The following RIN2 variants were observed in gnomAD, a reference collection of about 807,000 sequenced individuals.
RIN2 encodes Ras and Rab interactor 2.
In RIN2, 36 loss-of-function variants were observed where a neutral mutation model predicts 78.0. The observed-to-expected ratio is 0.46, with a 90% CI of 0.35 to 0.61. The LOEUF is 0.61. Ranked by LOEUF, RIN2 falls within the 20% of genes least tolerant of loss-of-function variation. RIN2 has a pLI of 0.00. For missense variants in RIN2, 1,087 were observed against 1,159.7 expected (o/e 0.94, Z 0.91); for synonymous variants, 466 against 466.8 (o/e 1.00, Z 0.02).
chr20:19,889,787 G>A (rs1391123389), intron 3 of RIN2, 129 bp downstream of exon 3: 8 of 641,408 alleles, frequency 1.2e-5, no homozygotes, highest in East Asian at 6.2e-5. Context: ...GAGCTTGCCC[G>A]AGCCCAGCTG....
intron 2 of RIN2, among the ~76,000 whole-genome samples, chr20:19,864,024 A>C (rs1453870427): frequency 6.6e-6 from 1 of 151,812 alleles, no homozygotes; most frequent in East Asian, 1.9e-4. Context: ...GTGGTAAAAA[A>C]AAAACTTTTT....
intron 3 of RIN2, among the ~76,000 whole-genome samples, chr20:19,909,053 T>C (rs2039348008): frequency 1.3e-5 from 2 of 152,072 alleles, no homozygotes; most frequent in South Asian, 4.1e-4. Context: ...TAGTAGAGAC[T>C]GGGTTTTGCC....
At chr20:19,919,201 G>C (rs900970388) in intron 3 of RIN2, among the ~76,000 whole-genome samples, 15 of 152,318 alleles carry the variant, frequency 9.8e-5, no homozygotes, top group Non-Finnish European at 2.1e-4. Context: ...GTTTTAGGGA[G>C]AGCTCAGGAT....
Position 19,941,220 on chromosome 20 carries a change from G to A in RIN2, c.158+6021G>A, listed in dbSNP as rs546575605. Among the ~76,000 whole-genome samples, 14 of 152,294 alleles carry A rather than the reference G, an allele frequency of 9.2e-5. No individual in the cohort carries two copies. In the South Asian group the frequency reaches 1.2e-3, roughly 14 times the overall value. ...CTGGGAAGCTCTGAGCTTCCCAGTGGCTATGTGACAGCATTGACATTATAA... is the reference window on the plus strand; with the variant it reads ...CTGGGAAGCTCTGAGCTTCCCAGTGACTATGTGACAGCATTGACATTATAA... On this transcript the variant is annotated intron_variant, in intron 4 of 12. Transcript: ENST00000255006.
chr20:19,927,411 G>A (rs2040266983), intron 3 of RIN2, among the ~76,000 whole-genome samples: 1 of 151,172 alleles, frequency 6.6e-6, no homozygotes, highest in South Asian at 2.1e-4. Flanking sequence ...ACCATGCCTG[G>A]GTAATTTTTT....
chr20:19,786,638 G>A (rs941419959), intron 1 of RIN2, among the ~76,000 whole-genome samples: 1 of 152,198 alleles, frequency 6.6e-6, no homozygotes, highest in African/African-American at 2.4e-5. Context: ...AAGCCACTGA[G>A]TCTTGCGGTG....
Position 19,992,288 on chromosome 20 carries a change from T to C in RIN2, c.2189T>C (p.Leu730Ser), listed in dbSNP as rs779038086. The C allele has an allele frequency of 6.4e-7, 1 of 1,566,112 alleles. No homozygotes were observed. The highest frequency in any genetic ancestry group is 8.7e-7 in the Non-Finnish European group (1 of 1,154,392). Residue 730 changes from leucine (L) to serine (S), a missense_variant, in exon 11 of 13, where the codon TTA (leucine) becomes TCA (serine). Physicochemically the swap from Leu to Ser is moderately radical, Grantham distance 145. Around this residue, in one of 8 missense-constraint regions of RIN2, gnomAD observed 45 missense variants for 88.1 expected, o/e 0.51. Transcript: ENST00000255006. ...ATGGAGCTCCTAGACCCATCGCTGT[T>C]ACATGGAGAAGGTAACTGCTTTTGA... ...YMMELLDPSL[L>S]HGEGGYYLTS...
intron 2 of RIN2, among the ~76,000 whole-genome samples, chr20:19,830,598 G>A (rs944978446): frequency 3.9e-5 from 6 of 152,212 alleles, no homozygotes; most frequent in South Asian, 2.1e-4. Flanking sequence ...AGGTTGGGCC[G>A]GAATTTCCTG....
chr20:19,881,916 G>A (rs565057092), intron 2 of RIN2, among the ~76,000 whole-genome samples: 26 of 152,292 alleles, frequency 1.7e-4, no homozygotes, highest in African/African-American at 5.5e-4. Flanking sequence ...TAGAGTTTCT[G>A]TGGAATTGCT....
chr20:19,924,489 C>T (rs1168512648), intron 3 of RIN2, among the ~76,000 whole-genome samples: 1,270 of 34,144 alleles, frequency 0.037, no homozygotes, highest in East Asian at 0.063. Flanking sequence ...CCTTCATACC[C>T]CACCTTCATA....
At position 19,996,942 on chromosome 20, in the gene RIN2, AT is replaced by A. The variant is rs144178597; in HGVS notation, c.2364+103del. The A allele has an allele frequency of 1.7e-3, 2,125 of 1,256,398 alleles. 35 individuals are homozygous for A. In the African/African-American group the frequency reaches 0.029, roughly 17 times the overall value. 77.8% of individuals were successfully genotyped at this position (1,256,398 alleles called of 1,614,324 possible). ...TCAGAGGTCCCCACTGTGTTGAATT[AT>A]TTGGCAGGAAAGGGATATCTCAAAC... On this transcript the variant is annotated intron_variant, in intron 12 of 12. Coordinates refer to ENST00000255006, the MANE Select transcript of RIN2 (RefSeq NM_018993.4).
In RIN2 at chr20:19,960,687, T is replaced by G. The variant is rs1294074228; in HGVS notation, c.352-13T>G. 6.5e-7 allele frequency: 1 copy of G among 1,541,974 alleles called. No individual in the cohort carries two copies. ...ATATTTCCTAAAGCTTGTATTTCTT[T>G]TCCCTCCACTAGATCTTCCTGGTTC... is the stretch of plus-strand genomic sequence containing the variant. On this transcript the variant is annotated splice_polypyrimidine_tract_variant and intron_variant, in intron 5 of 12. Coordinates refer to ENST00000255006, the MANE Select transcript of RIN2 (RefSeq NM_018993.4).
intron 1 of RIN2, among the ~76,000 whole-genome samples, chr20:19,785,639 T>C (rs1385855254): frequency 6.6e-6 from 1 of 152,174 alleles, no homozygotes; most frequent in Non-Finnish European, 1.5e-5. Flanking sequence ...GTGGGGAACA[T>C]TGTGCAAGGC....
intron 3 of RIN2, among the ~76,000 whole-genome samples, chr20:19,928,754 C>T (rs1363290832): frequency 6.6e-6 from 1 of 152,098 alleles, no homozygotes; most frequent in Non-Finnish European, 1.5e-5. Context: ...GGGAGTGGAC[C>T]CAACCCCTGA....
At chr20:19,758,999 G>A (rs2033511500) in intron 1 of RIN2, among the ~76,000 whole-genome samples, 1 of 152,208 alleles carries the variant, frequency 6.6e-6, no homozygotes, top group African/African-American at 2.4e-5. Context: ...GATTCCTGCC[G>A]GGAAGGGACG....
In RIN2 at chr20:19,960,778, C is replaced by T. The variant is rs772598735; in HGVS notation, c.430C>T (p.Leu144Phe). The T allele has an allele frequency of 6.2e-7, 1 of 1,601,722 alleles. No homozygotes were observed. The highest frequency in any genetic ancestry group is 2.2e-5 in the East Asian group (1 of 44,538). The part of the protein sequence containing the change: ...LRLPCEFGAP[L>F]KEFAIKESTY... ...CCTGCCCTGTGAATTTGGGGCCCCA[C>T]TCAAGGAATTTGCCATAAAGGAAAG... Residue 144 changes from leucine to phenylalanine, a missense_variant, in exon 6 of 13, where the codon CTC becomes TTC. This residue lies in a region of RIN2 where 706 missense variants were observed against 667.5 expected (regional missense o/e 1.06). Coordinates refer to ENST00000255006, the MANE Select transcript of RIN2 (RefSeq NM_018993.4).
chr20:19,913,798 T>G (rs576466178), intron 3 of RIN2, among the ~76,000 whole-genome samples: 1 of 152,364 alleles, frequency 6.6e-6, no homozygotes, highest in South Asian at 2.1e-4. Context: ...TTCCATTGTA[T>G]GAGAAGACCA....
At chr20:19,851,043 AAGGAAGGAGAAAGAAAGGAAGG>A (rs1568815043) in intron 2 of RIN2, among the ~76,000 whole-genome samples, 1 of 81,232 alleles carries the variant, frequency 1.2e-5, no homozygotes, top group Non-Finnish European at 2.8e-5. Context: ...GGAAGGAAGG[AAGGAAGGAGAAAGAAAGGAAGG>A]AAGGAAGGAA....
chr20:19,763,544 TGAA>T (rs2033739785), intron 1 of RIN2, among the ~76,000 whole-genome samples: 1 of 152,122 alleles, frequency 6.6e-6, no homozygotes, highest in Non-Finnish European at 1.5e-5. Context: ...AATGAATGAA[TGAA>T]TGATTAAATG....
Sources: allele counts gnomAD v4.1 joint callset (sites outside exome capture counted in the v4.1 genomes callset), GRCh38; gene constraint gnomAD v4.1.1; regional missense constraint gnomAD v4.1.1; transcripts MANE v1.5; gene names NCBI Gene and HGNC (gene_info 2026-07-23, HGNC 2026-07-21).